Variants in ZNF557 observed in about 807,000 individuals in gnomAD.
The protein encoded by ZNF557 is zinc finger protein 557.
ZNF557 carries 19 observed loss-of-function variants against 21.2 expected under a neutral mutation model. The observed-to-expected ratio is 0.90, with a 90% CI of 0.63 to 1.32. ZNF557 has a LOEUF of 1.32. Ranked by LOEUF, ZNF557 falls within the 40% of genes most tolerant of loss-of-function variation. ZNF557 has a pLI of 0.00. For missense variants in ZNF557, 487 were observed against 519.8 expected (o/e 0.94, Z 0.61); for synonymous variants, 207 against 194.8 (o/e 1.06, Z -0.52).
At chr19:7,072,428 A>G (rs1406635672) in intron 2 of ZNF557, among the ~76,000 whole-genome samples, 5 of 152,226 alleles carry the variant, frequency 3.3e-5, no homozygotes, top group Non-Finnish European at 5.9e-5. Context: ...GTCTCAAAAT[A>G]AATACATAAA....
At chr19:7,080,412 C>G (rs1568409054) in intron 5 of ZNF557, among the ~76,000 whole-genome samples, 1 of 152,176 alleles carries the variant, frequency 6.6e-6, no homozygotes, top group Non-Finnish European at 1.5e-5. Flanking sequence ...ACAGTTTTCC[C>G]TTGCCCCATT....
At chr19:7,080,418 C>T (rs907171302) in intron 5 of ZNF557, among the ~76,000 whole-genome samples, 14 of 152,138 alleles carry the variant, frequency 9.2e-5, no homozygotes, top group African/African-American at 2.4e-4. Context: ...TTCCCTTGCC[C>T]CATTGAGCAG....
intron 2 of ZNF557, among the ~76,000 whole-genome samples, chr19:7,074,790 T>C (rs1199390866): frequency 2.1e-4 from 4 of 18,982 alleles, no homozygotes; most frequent in African/African-American, 9.7e-4. Context: ...GGGCACGGAC[T>C]GGAGGGGGGG....
At chr19:7,075,792 G>A in intron 4 of ZNF557, 49 bp downstream of exon 4, 1 of 1,600,906 alleles carries the variant, frequency 6.2e-7, no homozygotes, top group Non-Finnish European at 8.5e-7. Flanking sequence ...CAGCCAGAAG[G>A]TTGGACTTGA....
In ZNF557 at chr19:7,084,482, C is replaced by T. The variant is rs932408005; in HGVS notation, c.*738C>T. 4 of 152,124 alleles carry T rather than the reference C, an allele frequency of 2.6e-5. No individual in the cohort carries two copies. Among genetic ancestry groups the T allele is most frequent in the African/African-American group, 9.7e-5 (4 of 41,384 alleles). 9.4% of individuals were successfully genotyped at this position (152,124 alleles called of 1,614,324 possible). A position where few individuals can be genotyped will look rare whatever the true frequency, so the allele number is the denominator to read the frequency against. On this transcript the variant is annotated 3_prime_UTR_variant, in exon 8 of 8. Coordinates refer to ENST00000252840, the MANE Select transcript of ZNF557 (RefSeq NM_024341.3). ...TCTCCTGCCCCAGCCTCCAATGTAG[C>T]TGGGACTACAGGTGCATGACACCAT...
At chr19:7,074,715 C>A (rs1016023180) in intron 2 of ZNF557, among the ~76,000 whole-genome samples, 4 of 142,354 alleles carry the variant, frequency 2.8e-5, no homozygotes, top group Non-Finnish European at 6.0e-5. Context: ...GTGGTCAAGG[C>A]AGATCACAGG....
chr19:7,075,759 CT>C lies in ZNF557; in HGVS notation c.120+21del, dbSNP rs1203321608. ...CTGGCTAAAGGTGAGTCGGATGTTC[CT>C]TTTTCCAAATCATGATTCCTTCAGC... On this transcript the variant is annotated intron_variant, in intron 4 of 7. Transcript: ENST00000252840. 3.1e-6 allele frequency: 5 copies of C among 1,611,436 alleles called. No individual in the cohort carries two copies. The highest frequency in any genetic ancestry group is 4.2e-6 in the Non-Finnish European group (5 of 1,178,192).
chr19:7,077,033 C>G (rs535295659), intron 5 of ZNF557, among the ~76,000 whole-genome samples: 6 of 152,006 alleles, frequency 3.9e-5, no homozygotes, highest in African/African-American at 1.4e-4. Flanking sequence ...CAGATGTGAG[C>G]TACCATTCCT....
Position 7,083,310 on chromosome 19 carries a change from A to G in ZNF557, c.859A>G (p.Thr287Ala). 1 of 1,614,200 alleles carries G rather than the reference A, an allele frequency of 6.2e-7. No homozygotes were observed. The highest frequency in any genetic ancestry group is 8.5e-7 in the Non-Finnish European group (1 of 1,180,040). ...SIFTRHKRVH[T>A]GEGHYVCNQC... ...CTTCACAAGGCACAAGAGAGTTCAT[A>G]CGGGGGAGGGTCATTATGTATGTAA... Residue 287 changes from threonine to alanine, a missense_variant, in exon 8 of 8, where the codon ACG (threonine) becomes GCG (alanine). Physicochemically the swap from Thr to Ala is moderately conservative, Grantham distance 58 (BLOSUM62 0). Coordinates refer to ENST00000252840, the MANE Select transcript of ZNF557 (RefSeq NM_024341.3).
chr19:7,079,980 C>T (rs1299074118), intron 5 of ZNF557, among the ~76,000 whole-genome samples: 1 of 152,124 alleles, frequency 6.6e-6, no homozygotes, highest in African/African-American at 2.4e-5. Context: ...AGCATGTGTT[C>T]ATCCCTGGGT....
chr19:7,082,797 C>A, intron 7 of ZNF557, 81 bp from the exon 8 acceptor site: 1 of 1,406,094 alleles, frequency 7.1e-7, no homozygotes. Flanking sequence ...CAACAGAATT[C>A]CTGGGAGAGG....
chr19:7,077,359 C>T (rs758929409), intron 5 of ZNF557, among the ~76,000 whole-genome samples: 2 of 151,988 alleles, frequency 1.3e-5, no homozygotes, highest in Non-Finnish European at 2.9e-5. Context: ...TGGTCTTGAA[C>T]TCCTGGCCTC....
chr19:7,081,924 T>A (rs762412307), intron 6 of ZNF557, 46 bp from the exon 7 acceptor site: 2 of 1,469,640 alleles, frequency 1.4e-6, no homozygotes, highest in Non-Finnish European at 1.9e-6. Flanking sequence ...CAACTTAAAA[T>A]TTGCCTCTTT....
chr19:7,071,799 CAAAAAAAAAAAAA>C (rs71177147), intron 2 of ZNF557, among the ~76,000 whole-genome samples: 7 of 55,026 alleles, frequency 1.3e-4, no homozygotes, highest in South Asian at 9.7e-4. Flanking sequence ...GACTGCATCT[CAAAAAAAAAAAAA>C]AAAAAAAAAA....
Position 7,087,201 on chromosome 19 carries a change from G to GTT in ZNF557, c.*3457_*3458insTT, listed in dbSNP as rs1568412961. 2.5e-5 allele frequency: 1 copy of GTT among 40,540 alleles called. No individual in the cohort carries two copies. Among genetic ancestry groups the GTT allele is most frequent in the African/African-American group, 8.9e-5 (1 of 11,272 alleles). The allele number at this position is 40,540 out of a possible 1,614,324, so 2.5% of individuals were successfully genotyped here. Reference sequence around the variant, plus strand: ...GGACACAAAGCATAGAGTTAAAAGAGCTTTTTTTTTTTTTTTTTTTTTTTT... The same window carrying GTT: ...GGACACAAAGCATAGAGTTAAAAGAGTTCTTTTTTTTTTTTTTTTTTTTTTTT... On this transcript the variant is annotated 3_prime_UTR_variant, in exon 8 of 8. Coordinates refer to ENST00000252840, the MANE Select transcript of ZNF557 (RefSeq NM_024341.3).
chr19:7,077,983 A>G (rs976317773), intron 5 of ZNF557, among the ~76,000 whole-genome samples: 14 of 151,718 alleles, frequency 9.2e-5, no homozygotes, highest in Admixed American at 9.2e-4. Flanking sequence ...TGCTTTTTCC[A>G]TTTGGGGGGC....
At chr19:7,070,821 A>C (rs1977443502) in intron 2 of ZNF557, among the ~76,000 whole-genome samples, 168 bp downstream of exon 2, 1 of 149,040 alleles carries the variant, frequency 6.7e-6, no homozygotes. Context: ...CCTGGAGTGC[A>C]GTGGTGCGAT....
intron 5 of ZNF557, among the ~76,000 whole-genome samples, chr19:7,077,132 C>CTTTTTTTTTTTTTTTTT (rs4031071): frequency 2.6e-5 from 2 of 78,366 alleles, no homozygotes; most frequent in African/African-American, 5.2e-5. Context: ...TGTTTTCTTT[C>CTTTTTTTTTTTTTTTTT]TTTTTTTTTT....
rs544241132 is a variant in ZNF557, at chr19:7,081,881, T to C, written c.344-89T>C. ...AAACCCTCACCTCTCAGATTCTGCC[T>C]TCACTCACGTATGCATTTTACTATT... On this transcript the variant is annotated intron_variant, in intron 6 of 7. Transcript: ENST00000252840. 1.1e-3 allele frequency: 1,110 copies of C among 975,894 alleles called. 1 individual carries two copies. Among genetic ancestry groups the C allele is most frequent in the Non-Finnish European group, 1.6e-3 (990 of 618,682 alleles). The allele number at this position is 975,894 out of a possible 1,614,324, so 60.5% of individuals were successfully genotyped here.
Sources: allele counts gnomAD v4.1 joint callset (sites outside exome capture counted in the v4.1 genomes callset), GRCh38; gene constraint gnomAD v4.1.1; transcripts MANE v1.5; gene names NCBI Gene and HGNC (gene_info 2026-07-23, HGNC 2026-07-21).